Variants in CCDC93 observed in about 807,000 individuals in gnomAD.
CCDC93 encodes CCC complex scaffolding subunit CCDC93, also known as coiled-coil domain-containing protein 93.
In CCDC93, 61 loss-of-function variants were observed where a neutral mutation model predicts 108.2. The observed-to-expected ratio is 0.56, with a 90% CI of 0.46 to 0.70. CCDC93 has a LOEUF of 0.70. Ranked by LOEUF, CCDC93 falls within the 30% of genes least tolerant of loss-of-function variation. The pLI is 0.00. For synonymous variants in CCDC93, 276 were observed against 260.4 expected (o/e 1.06, Z -0.58); for missense variants, 685 against 764.2 (o/e 0.90, Z 1.22).
Position 117,919,290 on chromosome 2 carries a change from C to T in CCDC93, c.*1053G>A, listed in dbSNP as rs574520284. On this transcript the variant is annotated 3_prime_UTR_variant, in exon 24 of 24. Coordinates refer to ENST00000376300, the MANE Select transcript of CCDC93 (RefSeq NM_019044.5). Reference sequence around the variant, plus strand: ...CCTTTCCCAACATGCATGCCTTGTACTCCTCTGCACTCTCTTGGGTTTTTA... The same window carrying T: ...CCTTTCCCAACATGCATGCCTTGTATTCCTCTGCACTCTCTTGGGTTTTTA... 1.3e-5 allele frequency: 2 copies of T among 152,342 alleles called. No individual in the cohort carries two copies. Among genetic ancestry groups the T allele is most frequent in the African/African-American group, 4.8e-5 (2 of 41,564 alleles). The allele number at this position is 152,342 out of a possible 1,614,324, so 9.4% of individuals were successfully genotyped here.
chr2:117,948,183 G>C lies in CCDC93; in HGVS notation c.1146C>G (p.Ile382Met). The C allele has an allele frequency of 6.2e-7, 1 of 1,610,808 alleles. No individual in the cohort carries two copies. Among genetic ancestry groups the C allele is most frequent in the Non-Finnish European group, 8.5e-7 (1 of 1,177,836 alleles). Residue 382 changes from isoleucine to methionine, a missense_variant, in exon 15 of 24, where the codon ATC becomes ATG. Coordinates refer to ENST00000376300, the MANE Select transcript of CCDC93 (RefSeq NM_019044.5). Reference sequence around the variant, plus strand: ...CTACAAGTGCTCTCAGGTTCTGTAGGATACTGAAGAGAAAAGACAAAAAAA... The same window carrying C: ...CTACAAGTGCTCTCAGGTTCTGTAGCATACTGAAGAGAAAAGACAAAAAAA... ...EKIESKADPS[I>M]LQNLRALVAM...
chr2:117,947,405 C>A (rs1394424697), intron 15 of CCDC93, among the ~76,000 whole-genome samples: 1 of 152,136 alleles, frequency 6.6e-6, no homozygotes, highest in African/African-American at 2.4e-5. Flanking sequence ...TGCCAGAACA[C>A]GCATCACCCC....
intron 6 of CCDC93, among the ~76,000 whole-genome samples, chr2:117,993,746 T>A (rs1310049092): frequency 6.6e-6 from 1 of 152,240 alleles, no homozygotes; most frequent in Non-Finnish European, 1.5e-5. Flanking sequence ...TTTTTGTTTT[T>A]GTTTTGAGAT....
chr2:117,925,935 A>T (rs1335819484), intron 23 of CCDC93, among the ~76,000 whole-genome samples: 1 of 152,248 alleles, frequency 6.6e-6, no homozygotes, highest in Non-Finnish European at 1.5e-5. Flanking sequence ...ACCACAGTGC[A>T]ATCAAACTAG....
chr2:117,995,223 A>G (rs1022434299), intron 6 of CCDC93, among the ~76,000 whole-genome samples: 1 of 152,180 alleles, frequency 6.6e-6, no homozygotes, highest in African/African-American at 2.4e-5. Flanking sequence ...TAAAAGTGGA[A>G]GTGAGGGGAC....
chr2:117,980,377 G>A (rs1680079576), intron 7 of CCDC93, among the ~76,000 whole-genome samples: 1 of 152,158 alleles, frequency 6.6e-6, no homozygotes, highest in Non-Finnish European at 1.5e-5. Flanking sequence ...TATGCCTTTA[G>A]TCTGTGGAGA....
Position 117,931,089 on chromosome 2 carries a change from T to C in CCDC93, c.1790A>G (p.Glu597Gly). The part of the protein sequence containing the change: ...RRDQLNDQYL[E>G]LLEKQRLYFK... ...GTATAGCCTCTGCTTTTCTAACAGC[T>C]CCAAGTACTGGTCGTTCAACTGGTC... Residue 597 changes from glutamate to glycine, a missense_variant, in exon 23 of 24, where the codon GAG becomes GGG. Glu to Gly is a moderately conservative substitution (Grantham distance 98, BLOSUM62 -2). Transcript: ENST00000376300. 1.2e-6 allele frequency: 2 copies of C among 1,614,046 alleles called. No homozygotes were observed. The highest frequency in any genetic ancestry group is 1.1e-5 in the South Asian group (1 of 91,074).
chr2:117,985,171 G>C (rs1169428115), intron 7 of CCDC93, among the ~76,000 whole-genome samples: 1 of 151,672 alleles, frequency 6.6e-6, no homozygotes, highest in Non-Finnish European at 1.5e-5. Flanking sequence ...ATAAGCAATT[G>C]CATGCAATTC....
intron 22 of CCDC93, among the ~76,000 whole-genome samples, chr2:117,933,767 C>G (rs1678426617): frequency 6.6e-6 from 1 of 151,192 alleles, no homozygotes; most frequent in Non-Finnish European, 1.5e-5. Flanking sequence ...CTGTTCCATT[C>G]ACAGTGTCTA....
chr2:117,958,169 C>T (rs182058746), intron 12 of CCDC93, among the ~76,000 whole-genome samples, 196 bp downstream of exon 12: 1 of 152,280 alleles, frequency 6.6e-6, no homozygotes, highest in Non-Finnish European at 1.5e-5. Context: ...CTCAACTCTG[C>T]CACTGTAGCC....
chr2:117,949,750 A>G (rs1186838857), intron 13 of CCDC93: 1 of 985,246 alleles, frequency 1.0e-6, no homozygotes, highest in Non-Finnish European at 1.2e-6. Flanking sequence ...CTAGTTGAAA[A>G]TAGTAGACTA....
chr2:117,916,285 T>C lies in CCDC93; in HGVS notation c.*4058A>G, dbSNP rs1307839288. 1 of 152,148 alleles carries C rather than the reference T, an allele frequency of 6.6e-6. No individual in the cohort carries two copies. Among genetic ancestry groups the C allele is most frequent in the Non-Finnish European group, 1.5e-5 (1 of 68,026 alleles). 9.4% of individuals were successfully genotyped at this position (152,148 alleles called of 1,614,324 possible). ...ACACATTTTGAGCCAAAACATACCTTATCTCTAACATTAGTGTAGTTCTTC... is the reference window on the plus strand; with the variant it reads ...ACACATTTTGAGCCAAAACATACCTCATCTCTAACATTAGTGTAGTTCTTC... On this transcript the variant is annotated 3_prime_UTR_variant, in exon 24 of 24. Coordinates refer to ENST00000376300, the MANE Select transcript of CCDC93 (RefSeq NM_019044.5).
intron 17 of CCDC93, among the ~76,000 whole-genome samples, chr2:117,945,234 C>T (rs932530715): frequency 6.6e-6 from 1 of 152,188 alleles, no homozygotes; most frequent in African/African-American, 2.4e-5. Flanking sequence ...CCAGCATATG[C>T]GGCCAACGCA....
chr2:117,944,197 T>A, intron 17 of CCDC93, 111 bp from the exon 18 acceptor site: 2 of 674,938 alleles, frequency 3.0e-6, no homozygotes, highest in Non-Finnish European at 4.8e-6. Context: ...CCTAAGGCCT[T>A]AAATTTCTCT....
rs1208756681 is a variant in CCDC93 at position 118,008,628 on chromosome 2, C to T, written c.73G>A (p.Val25Ile). 1.9e-6 allele frequency: 3 copies of T among 1,613,176 alleles called. No individual in the cohort carries two copies. Among genetic ancestry groups the T allele is most frequent in the Admixed American group, 1.7e-5 (1 of 59,950 alleles). ...AGCTCCAGAATTTCAGTCAACTTGA[C>T]ATTTTGTTCTTCATCTTCTCTTGTT... The part of the protein sequence containing the change: ...VETREDEEQN[V>I]KLTEILELLV... The change falls in exon 2 of 24, where the codon GTC becomes ATC. Residue 25 changes from valine to isoleucine, a missense_variant. Coordinates refer to ENST00000376300, the MANE Select transcript of CCDC93 (RefSeq NM_019044.5).
At position 117,975,200 on chromosome 2, in the gene CCDC93, T is replaced by C; in HGVS notation, c.738A>G (p.Arg246=). 6.2e-7 allele frequency: 1 copy of C among 1,613,780 alleles called. No homozygotes were observed. The highest frequency in any genetic ancestry group is 1.1e-5 in the South Asian group (1 of 91,082). Residue 246 remains arginine (R), a synonymous_variant, in exon 9 of 24, where the codon CGA becomes CGG. Coordinates refer to ENST00000376300, the MANE Select transcript of CCDC93 (RefSeq NM_019044.5). ...ATGGACCACACACCTCTTCAGCTGC[T>C]CGAAGCTCATCTTCCTCGTGGGCAT... The part of the protein sequence containing the change: ...KADAHEEDEL[R]AAEEQRIQSL...
chr2:117,940,341 T>C (rs1678658123), intron 19 of CCDC93, among the ~76,000 whole-genome samples: 1 of 152,118 alleles, frequency 6.6e-6, no homozygotes, highest in Admixed American at 6.5e-5. Flanking sequence ...TTGAAGAATT[T>C]AGCCTGACAG....
intron 11 of CCDC93, among the ~76,000 whole-genome samples, chr2:117,965,423 T>C (rs1265097156): frequency 1.3e-5 from 2 of 152,272 alleles, no homozygotes; most frequent in African/African-American, 2.4e-5. Flanking sequence ...TCCTGTTACT[T>C]TCTGGCCCAG....
chr2:118,005,131 A>G (rs1055598440), intron 3 of CCDC93, among the ~76,000 whole-genome samples: 1 of 152,162 alleles, frequency 6.6e-6, no homozygotes, highest in African/African-American at 2.4e-5. Context: ...GATTTCAGAA[A>G]TATAGACAAG....
Sources: gnomAD v4.1 joint callset for allele counts (sites outside exome capture counted in the v4.1 genomes callset) on GRCh38, gnomAD v4.1.1 for gene constraint, MANE v1.5 for transcripts, NCBI Gene and HGNC (gene_info 2026-07-23, HGNC 2026-07-21) for gene names.